Variants in GRB14 observed in about 807,000 individuals in gnomAD.
GRB14 encodes growth factor receptor-bound protein 14.
GRB14 carries 38 observed loss-of-function variants against 69.1 expected under a neutral mutation model. The observed-to-expected ratio is 0.55, with a 90% confidence interval of 0.42 to 0.72. GRB14 has a LOEUF of 0.72. GRB14 is among the 30% of genes least tolerant of loss of function. GRB14 has a pLI of 0.00. For missense variants in GRB14, 666 were observed against 666.1 expected (o/e 1.00, Z 0.00); for synonymous variants, 247 against 241.3 (o/e 1.02, Z -0.22).
chr2:164,566,456 T>C (rs1688977636), intron 2 of GRB14, among the ~76,000 whole-genome samples: 1 of 152,120 alleles, frequency 6.6e-6, no homozygotes, highest in Admixed American at 6.5e-5. Flanking sequence ...GTCTAGGGAA[T>C]TTTGACTTTT....
rs527366018 is a variant in GRB14, at chr2:164,516,026, T to A, written c.816+5954A>T. On this transcript the variant is annotated intron_variant, in intron 6 of 13. Transcript: ENST00000263915. Reference sequence around the variant, plus strand: ...TAATCCAACAAAGACAAAAAAAAAATAATTTAAAAGATGAACAAAGCCTCC... The same window carrying A: ...TAATCCAACAAAGACAAAAAAAAAAAAATTTAAAAGATGAACAAAGCCTCC... Among the ~76,000 whole-genome samples, 358 of 150,444 alleles carry A rather than the reference T, an allele frequency of 2.4e-3. 2 individuals carry two copies. Among genetic ancestry groups the A allele is most frequent in the African/African-American group, 8.3e-3 (340 of 41,036 alleles).
At chr2:164,542,863 C>A (rs912405964) in intron 3 of GRB14, among the ~76,000 whole-genome samples, 1 of 152,176 alleles carries the variant, frequency 6.6e-6, no homozygotes, top group Non-Finnish European at 1.5e-5. Flanking sequence ...AAAGAACTAT[C>A]ATCCAACCCG....
chr2:164,572,311 G>C (rs924428551), intron 2 of GRB14, among the ~76,000 whole-genome samples: 1 of 152,096 alleles, frequency 6.6e-6, no homozygotes, highest in African/African-American at 2.4e-5. Flanking sequence ...CTTCAACGAA[G>C]CTCCCAAAAG....
rs903233291 is a variant in GRB14, at chr2:164,492,500, T to A, written c.*536A>T. Among the ~76,000 whole-genome samples the A allele has an allele frequency of 2.6e-5, 4 of 151,936 alleles. No homozygotes were observed. The highest frequency in any genetic ancestry group is 9.7e-5 in the African/African-American group (4 of 41,422). On this transcript the variant is annotated 3_prime_UTR_variant, in exon 14 of 14. Transcript: ENST00000263915. Reference sequence around the variant, plus strand: ...ATTTCAAAATGGTTTAAAGCTACTATCTCAAAATATGATTTCATTTTAAGA... The same window carrying A: ...ATTTCAAAATGGTTTAAAGCTACTAACTCAAAATATGATTTCATTTTAAGA...
intron 8 of GRB14, 150 bp from the exon 9 acceptor site, chr2:164,502,485 T>C (rs1283274599): frequency 5.3e-6 from 3 of 562,808 alleles, no homozygotes; most frequent in Non-Finnish European, 9.6e-6. Flanking sequence ...GATGAACTTT[T>C]AGTGCCCTGC....
At chr2:164,506,207 T>C (rs2105264097) in intron 8 of GRB14, among the ~76,000 whole-genome samples, 1 of 152,264 alleles carries the variant, frequency 6.6e-6, no homozygotes, top group East Asian at 1.9e-4. Flanking sequence ...TCCTTAAGGA[T>C]GGGGCGGGGA....
intron 2 of GRB14, among the ~76,000 whole-genome samples, chr2:164,558,322 T>C (rs925357443): frequency 6.6e-6 from 1 of 152,160 alleles, no homozygotes; most frequent in Non-Finnish European, 1.5e-5. Flanking sequence ...TTGGCTCTGT[T>C]ATGTGGCAGA....
chr2:164,509,792 G>GAAAA (rs10675642), intron 6 of GRB14, among the ~76,000 whole-genome samples: 35 of 86,192 alleles, frequency 4.1e-4, no homozygotes, highest in African/African-American at 1.2e-3. Flanking sequence ...AGAAGCAGTG[G>GAAAA]AAAAAAAAAA....
Position 164,621,392 on chromosome 2 carries a change from G to C in GRB14, c.-83C>G. 8.7e-7 allele frequency: 1 copy of C among 1,154,562 alleles called. No homozygotes were observed. The highest frequency in any genetic ancestry group is 1.1e-6 in the Non-Finnish European group (1 of 916,736). The allele number at this position is 1,154,562 out of a possible 1,614,324, so 71.5% of individuals were successfully genotyped here. Reference sequence around the variant, plus strand: ...TTTGCGCGGCGGGAGGCGAGGTGCCGGCTAGGCAGCCCGAGCGCTCTGCAG... The same window carrying C: ...TTTGCGCGGCGGGAGGCGAGGTGCCCGCTAGGCAGCCCGAGCGCTCTGCAG... On this transcript the variant is annotated 5_prime_UTR_variant, in exon 1 of 14. Transcript: ENST00000263915. The surrounding 1 kb of genome is among the most constrained non-coding windows in gnomAD (Gnocchi z 6.0).
chr2:164,599,861 T>C (rs1689873850), intron 2 of GRB14, among the ~76,000 whole-genome samples: 1 of 152,194 alleles, frequency 6.6e-6, no homozygotes, highest in South Asian at 2.1e-4. Context: ...TTAATTCTTA[T>C]GACTAAAAAA....
At chr2:164,550,682 A>T (rs1271141439) in intron 2 of GRB14, among the ~76,000 whole-genome samples, 2 of 152,210 alleles carry the variant, frequency 1.3e-5, no homozygotes, top group African/African-American at 4.8e-5. Context: ...TTACATGTCC[A>T]GCAAAGCATT....
At chr2:164,498,248 C>G (rs1217629366) in intron 9 of GRB14, among the ~76,000 whole-genome samples, 1 of 152,064 alleles carries the variant, frequency 6.6e-6, no homozygotes, top group African/African-American at 2.4e-5. Context: ...TGAATAAGAA[C>G]TGATAGAAGG....
chr2:164,502,445 C>G, intron 8 of GRB14, 110 bp from the exon 9 acceptor site: 1 of 698,702 alleles, frequency 1.4e-6, no homozygotes, highest in Non-Finnish European at 2.4e-6. Context: ...ACAATTAAAG[C>G]AAACAAGTAA....
rs148896383 is a variant in GRB14 at position 164,596,398 on chromosome 2, T to C, written c.324+23289A>G. 6.8e-3 allele frequency among the ~76,000 whole-genome samples: 1,040 copies of C among 152,320 alleles called. 7 individuals carry two copies. Among genetic ancestry groups the C allele is most frequent in the African/African-American group, 0.024 (1,000 of 41,568 alleles). Reference sequence around the variant, plus strand: ...GCACCAAGGAAAATCAGAGCAATCCTGAACCCTAACATGAGAAACAAGTAA... The same window carrying C: ...GCACCAAGGAAAATCAGAGCAATCCCGAACCCTAACATGAGAAACAAGTAA... On this transcript the variant is annotated intron_variant, in intron 2 of 13. Coordinates refer to ENST00000263915, the MANE Select transcript of GRB14 (RefSeq NM_004490.3).
Position 164,573,784 on chromosome 2 carries a change from G to T in GRB14, c.325-25968C>A, listed in dbSNP as rs528353076. On this transcript the variant is annotated intron_variant, in intron 2 of 13. Coordinates refer to ENST00000263915, the MANE Select transcript of GRB14 (RefSeq NM_004490.3). ...TTGAGACTTTCTGTCGCATCCACCA[G>T]TGTATCAGCATTAACATGTTGGCAG... The T allele has an allele frequency of 3.7e-6, 6 of 1,612,372 alleles. No homozygotes were observed. In the East Asian group the frequency reaches 1.1e-4, roughly 30 times the overall value.
intron 2 of GRB14, among the ~76,000 whole-genome samples, chr2:164,601,573 A>T (rs760475562): frequency 6.6e-6 from 1 of 152,162 alleles, no homozygotes; most frequent in Non-Finnish European, 1.5e-5. Flanking sequence ...TCTCAGGCAT[A>T]ATCTGTATAT....
Position 164,602,176 on chromosome 2 carries a change from A to G in GRB14, c.324+17511T>C, listed in dbSNP as rs184755522. On this transcript the variant is annotated intron_variant, in intron 2 of 13. Coordinates refer to ENST00000263915, the MANE Select transcript of GRB14 (RefSeq NM_004490.3). ...AGGAGGGAAGGGAAGAGAAGGGAAG[A>G]GAAGGGAAGGGAAGGGAAGGGAGGG... Among the ~76,000 whole-genome samples, 601 of 147,466 alleles carry G rather than the reference A, an allele frequency of 4.1e-3. 3 individuals carry two copies. The highest frequency in any genetic ancestry group is 6.9e-3 in the Non-Finnish European group (463 of 67,016).
chr2:164,497,163 T>G, intron 11 of GRB14, 48 bp downstream of exon 11: 1 of 1,590,756 alleles, frequency 6.3e-7, no homozygotes, highest in African/African-American at 1.3e-5. Context: ...ACATGTCCTT[T>G]CCATGTCTAT....
intron 2 of GRB14, among the ~76,000 whole-genome samples, chr2:164,598,965 T>C (rs1360006004): frequency 2.0e-5 from 3 of 152,178 alleles, no homozygotes; most frequent in African/African-American, 7.2e-5. Flanking sequence ...TCTCATGACT[T>C]TGTGGAATTG....
Sources: allele counts gnomAD v4.1 joint callset (sites outside exome capture counted in the v4.1 genomes callset), GRCh38; gene constraint gnomAD v4.1.1; non-coding constraint Gnocchi (gnomAD v3.1); transcripts MANE v1.5; gene names NCBI Gene and HGNC (gene_info 2026-07-23, HGNC 2026-07-21).